The following ATXN7L3 variants were observed in gnomAD, a reference collection of about 807,000 sequenced individuals.
The protein encoded by ATXN7L3 is ataxin-7-like protein 3.
In ATXN7L3, 6 loss-of-function variants were observed where a neutral mutation model predicts 50.0. The observed-to-expected ratio is 0.12, with a 90% confidence interval of 0.07 to 0.24. ATXN7L3 has a LOEUF of 0.24. ATXN7L3 is among the 10% of genes least tolerant of loss of function. The pLI, the probability that ATXN7L3 is intolerant of heterozygous loss-of-function variation, is 1.00. For missense variants in ATXN7L3, 322 were observed against 451.3 expected (o/e 0.71, Z 2.60); for synonymous variants, 198 against 165.8 (o/e 1.19, Z -1.49).
At position 44,192,676 on chromosome 17, in the gene ATXN7L3, G is replaced by A. The variant is rs1011798467; in HGVS notation, c.*1587C>T. ...TTTTAAAAAATAATCACAATTTGTGGGTTAAAAACCAATTTGCAACCAGGC... is the reference window on the plus strand; with the variant it reads ...TTTTAAAAAATAATCACAATTTGTGAGTTAAAAACCAATTTGCAACCAGGC... On this transcript the variant is annotated 3_prime_UTR_variant, in exon 13 of 13. Coordinates refer to ENST00000587097, the MANE Select transcript of ATXN7L3 (RefSeq NM_001382309.1). 2 of 152,174 alleles carry A rather than the reference G, an allele frequency of 1.3e-5. No individual in the cohort carries two copies. Among genetic ancestry groups the A allele is most frequent in the Non-Finnish European group, 2.9e-5 (2 of 68,046 alleles). 9.4% of individuals were successfully genotyped at this position (152,174 alleles called of 1,614,324 possible).
chr17:44,195,813 G>A lies in ATXN7L3; in HGVS notation c.539C>T (p.Ser180Leu), dbSNP rs201261368. 2.8e-5 allele frequency: 45 copies of A among 1,611,258 alleles called. 1 individual carries two copies. In the African/African-American group the frequency reaches 4.5e-4, roughly 16 times the overall value. The change falls in exon 8 of 13, where the codon TCG (serine) becomes TTG (leucine). Residue 180 changes from serine (S) to leucine (L), a missense_variant. Ser to Leu is a moderately radical substitution (Grantham distance 145, BLOSUM62 -2). Transcript: ENST00000587097. The part of the protein sequence containing the change: ...LKHKNGELSN[S>L]DPFKYNNSTG... ...GCCCATACTCACCTTAAAAGGATCC[G>A]AATTGCTAAGTTCCCCTGAAGAAGA... is the stretch of plus-strand genomic sequence containing the variant.
intron 2 of ATXN7L3, 140 bp from the exon 3 acceptor site, chr17:44,197,870 C>T (rs556190498): frequency 2.0e-6 from 3 of 1,525,226 alleles, no homozygotes; most frequent in Non-Finnish European, 2.7e-6. Context: ...CGTGTTCTTT[C>T]TTCTTCCTGG....
chr17:44,194,171 C>T lies in ATXN7L3; in HGVS notation c.*92G>A. The T allele has an allele frequency of 6.6e-7, 1 of 1,514,250 alleles. No homozygotes were observed. The highest frequency in any genetic ancestry group is 8.9e-7 in the Non-Finnish European group (1 of 1,123,590). 93.8% of individuals were successfully genotyped at this position (1,514,250 alleles called of 1,614,324 possible). A position where few individuals can be genotyped will look rare whatever the true frequency, so the allele number is the denominator to read the frequency against. ...CCACCAAGCTTCCCAAGCCCCAACC[C>T]CCAGCAGCCGTCCATTTGCCAGGCT... On this transcript the variant is annotated 3_prime_UTR_variant, in exon 13 of 13. Coordinates refer to ENST00000587097, the MANE Select transcript of ATXN7L3 (RefSeq NM_001382309.1).
In ATXN7L3 at chr17:44,192,516, T is replaced by C. The variant is rs2055729902; in HGVS notation, c.*1747A>G. On this transcript the variant is annotated 3_prime_UTR_variant, in exon 13 of 13. Transcript: ENST00000587097. ...CCTTCAGCCCACTCCCCAGACTGCA[T>C]CTGGAAGCGGCTAGAGGCCTGCTGA... 6.6e-6 allele frequency: 1 copy of C among 151,756 alleles called. No homozygotes were observed. The highest frequency in any genetic ancestry group is 2.4e-5 in the African/African-American group (1 of 41,260). 9.4% of individuals were successfully genotyped at this position (151,756 alleles called of 1,614,324 possible). A position where few individuals can be genotyped will look rare whatever the true frequency, so the allele number is the denominator to read the frequency against.
rs534149125 is a variant in ATXN7L3 at position 44,193,070 on chromosome 17, G to A, written c.*1193C>T. 4.5e-4 allele frequency: 69 copies of A among 152,360 alleles called. No individual in the cohort carries two copies. Among genetic ancestry groups the A allele is most frequent in the African/African-American group, 1.5e-3 (63 of 41,554 alleles). The allele number at this position is 152,360 out of a possible 1,614,324, so 9.4% of individuals were successfully genotyped here. A position where few individuals can be genotyped will look rare whatever the true frequency, so the allele number is the denominator to read the frequency against. ...CACTGGCATGACAGTCCCACAGAGG[G>A]GCAGTGACACCCCTTCCCCTCCACT... On this transcript the variant is annotated 3_prime_UTR_variant, in exon 13 of 13. Coordinates refer to ENST00000587097, the MANE Select transcript of ATXN7L3 (RefSeq NM_001382309.1).
Position 44,192,548 on chromosome 17 carries a change from C to T in ATXN7L3, c.*1715G>A, listed in dbSNP as rs1252035983. ...GCGGCTAGAGGCCTGCTGAGATCCT[C>T]CTCTCCCTCTGGCCTCCTCTCGGAG... is the stretch of plus-strand genomic sequence containing the variant. On this transcript the variant is annotated 3_prime_UTR_variant, in exon 13 of 13. Coordinates refer to ENST00000587097, the MANE Select transcript of ATXN7L3 (RefSeq NM_001382309.1). 1 of 152,172 alleles carries T rather than the reference C, an allele frequency of 6.6e-6. No homozygotes were observed. The highest frequency in any genetic ancestry group is 1.5e-5 in the Non-Finnish European group (1 of 68,048). 9.4% of individuals were successfully genotyped at this position (152,172 alleles called of 1,614,324 possible).
Position 44,196,519 on chromosome 17 carries a change from C to T in ATXN7L3, c.455-101G>A, listed in dbSNP as rs2055898263. On this transcript the variant is annotated intron_variant, in intron 5 of 12. Transcript: ENST00000587097. ...AACAGGCTGGGCACGGTGGCTCATG[C>T]CTGTAATCCCAGCACTTTGGGAGGC... 2.7e-6 allele frequency: 4 copies of T among 1,486,296 alleles called. No individual in the cohort carries two copies. The South Asian group carries it at 3.5e-5, about 13-fold the overall frequency. 92.1% of individuals were successfully genotyped at this position (1,486,296 alleles called of 1,614,324 possible).
chr17:44,192,266 A>C lies in ATXN7L3; in HGVS notation c.*1997T>G. On this transcript the variant is annotated 3_prime_UTR_variant, in exon 13 of 13. Transcript: ENST00000587097. The stretch of plus-strand genomic sequence containing the variant: ...TTCCCTCAGGGTCCCTGCTGGACCA[A>C]GCCCATCTCTTACCCAGCCTGGGCA... 1 of 152,406 alleles carries C rather than the reference A, an allele frequency of 6.6e-6. No homozygotes were observed. The highest frequency in any genetic ancestry group is 1.5e-5 in the Non-Finnish European group (1 of 68,068). 9.4% of individuals were successfully genotyped at this position (152,406 alleles called of 1,614,324 possible). A position where few individuals can be genotyped will look rare whatever the true frequency, so the allele number is the denominator to read the frequency against.
chr17:44,196,678 T>C (rs958057303), intron 5 of ATXN7L3, among the ~76,000 whole-genome samples: 2 of 141,812 alleles, frequency 1.4e-5, no homozygotes, highest in Admixed American at 7.7e-5. Context: ...CTCAGGAGGC[T>C]GACACAGGAG....
At chr17:44,196,226 T>TCCCCCCCCCCCCCAAACCCCCCC in intron 6 of ATXN7L3, 147 bp from the exon 7 acceptor site, 1 of 737,704 alleles carries the variant, frequency 1.4e-6, no homozygotes, top group Non-Finnish European at 2.1e-6. Context: ...CCATGTGCCC[T>TCCCCCCCCCCCCCAAACCCCCCC]CCCCCACCCC....
intron 3 of ATXN7L3, 68 bp downstream of exon 3, chr17:44,197,530 C>G (rs1221579419): frequency 6.2e-7 from 1 of 1,609,064 alleles, no homozygotes; most frequent in Non-Finnish European, 8.5e-7. Flanking sequence ...AGCACAGTTT[C>G]CAGAGAAGGA....
chr17:44,194,032 G>A lies in ATXN7L3; in HGVS notation c.*231C>T, dbSNP rs1165894862. 5.4e-6 allele frequency: 3 copies of A among 554,892 alleles called. No individual in the cohort carries two copies. The highest frequency in any genetic ancestry group is 9.4e-6 in the Non-Finnish European group (3 of 318,682). The allele number at this position is 554,892 out of a possible 1,614,324, so 34.4% of individuals were successfully genotyped here. ...AAAACCGCCTCCCCACCAAACTTATGTCCAAGGCATAATATGTCCAGGTCT... is the reference window on the plus strand; with the variant it reads ...AAAACCGCCTCCCCACCAAACTTATATCCAAGGCATAATATGTCCAGGTCT... On this transcript the variant is annotated 3_prime_UTR_variant, in exon 13 of 13. Coordinates refer to ENST00000587097, the MANE Select transcript of ATXN7L3 (RefSeq NM_001382309.1).
chr17:44,196,226 T>TCCCCCCCCCCCCCAGCCCCCC, intron 6 of ATXN7L3, 147 bp from the exon 7 acceptor site: 3 of 737,700 alleles, frequency 4.1e-6, no homozygotes, highest in Non-Finnish European at 6.4e-6. Flanking sequence ...CCATGTGCCC[T>TCCCCCCCCCCCCCAGCCCCCC]CCCCCACCCC....
chr17:44,197,742 G>A lies in ATXN7L3; in HGVS notation c.52-12C>T. On this transcript the variant is annotated splice_polypyrimidine_tract_variant and intron_variant, in intron 2 of 12. Transcript: ENST00000587097. ...TCCTGAGCGATGGCCTGGGCCCCAG[G>A]GGAGAACATCTACGGTCACAAGAGT... The A allele has an allele frequency of 1.9e-6, 3 of 1,614,236 alleles. No homozygotes were observed. Among genetic ancestry groups the A allele is most frequent in the South Asian group, 2.2e-5 (2 of 91,086 alleles).
chr17:44,195,086 T>C lies in ATXN7L3; in HGVS notation c.665+11A>G, dbSNP rs776461529. The C allele has an allele frequency of 6.2e-7, 1 of 1,614,050 alleles. No individual in the cohort carries two copies. The highest frequency in any genetic ancestry group is 1.7e-5 in the Admixed American group (1 of 60,036). On this transcript the variant is annotated intron_variant, in intron 10 of 12. Coordinates refer to ENST00000587097, the MANE Select transcript of ATXN7L3 (RefSeq NM_001382309.1). ...GAAGCGCCTGGCCCCCTTTCTAGGT[T>C]CTGTGCTCACCTTGTGCACATCTTC...
chr17:44,199,006 G>GT (rs1305969684), intron 1 of ATXN7L3: 1 of 152,486 alleles, frequency 6.6e-6, no homozygotes, highest in Non-Finnish European at 1.5e-5. Context: ...ACTGGGAAGG[G>GT]TAGGAGGCCG....
chr17:44,195,347 C>G (rs2055844253), intron 9 of ATXN7L3, 72 bp downstream of exon 9: 13 of 1,513,684 alleles, frequency 8.6e-6, no homozygotes, highest in Non-Finnish European at 1.1e-5. Flanking sequence ...CCAGCTTCCT[C>G]CCAGGCCTTG....
At chr17:44,196,564 G>T (rs1451623942) in intron 5 of ATXN7L3, 146 bp from the exon 6 acceptor site, 13 of 986,300 alleles carry the variant, frequency 1.3e-5, no homozygotes, top group Non-Finnish European at 2.0e-5. Flanking sequence ...CAGATCACGA[G>T]GTCAGAAGAT....
intron 9 of ATXN7L3, 39 bp from the exon 10 acceptor site, chr17:44,195,179 A>C (rs1162619715): frequency 6.3e-7 from 1 of 1,592,872 alleles, no homozygotes; most frequent in South Asian, 1.1e-5. Flanking sequence ...GGATGGAAGG[A>C]ACCTACTCTA....
Sources: gnomAD v4.1 joint callset for allele counts (sites outside exome capture counted in the v4.1 genomes callset) on GRCh38, gnomAD v4.1.1 for gene constraint, MANE v1.5 for transcripts, NCBI Gene and HGNC (gene_info 2026-07-23, HGNC 2026-07-21) for gene names.